CCDC91: variants seen among roughly 807,000 people sequenced by gnomAD.
CCDC91 encodes the protein coiled-coil domain-containing protein 91.
Under a neutral mutation model 63.2 loss-of-function variants are expected in CCDC91, and 48 were observed. The observed-to-expected ratio is 0.76, with a 90% confidence interval of 0.60 to 0.97. The LOEUF (loss-of-function observed/expected upper bound fraction) is 0.97, where lower values mean the gene tolerates loss of function less well. CCDC91 is among the 50% of genes least tolerant of loss of function. The pLI is 0.00. For synonymous variants in CCDC91, 167 were observed against 165.8 expected (o/e 1.01, Z -0.06); for missense variants, 500 against 494.6 (o/e 1.01, Z -0.10).
At chr12:28,502,789 A>C (rs1938115789) in intron 12 of CCDC91, among the ~76,000 whole-genome samples, 1 of 149,760 alleles carries the variant, frequency 6.7e-6, no homozygotes, top group Non-Finnish European at 1.5e-5. Context: ...CATATCTACA[A>C]CTATCTGATC....
At chr12:28,417,917 G>C (rs570628935) in intron 8 of CCDC91, among the ~76,000 whole-genome samples, 3 of 151,964 alleles carry the variant, frequency 2.0e-5, no homozygotes, top group East Asian at 3.9e-4. Flanking sequence ...CCATTACTGA[G>C]TGGTCCTACA....
At chr12:28,255,041 G>T (rs973990931) in intron 1 of CCDC91, among the ~76,000 whole-genome samples, 1 of 152,132 alleles carries the variant, frequency 6.6e-6, no homozygotes, top group African/African-American at 2.4e-5. Flanking sequence ...CTTCCAAAGT[G>T]CTGGGATTAC....
At chr12:28,223,666 A>T (rs1421846692) in intron 1 of CCDC91, among the ~76,000 whole-genome samples, 2 of 152,206 alleles carry the variant, frequency 1.3e-5, no homozygotes, top group Admixed American at 6.6e-5. Context: ...AAATTGAGTA[A>T]TTGTAATGTA....
At chr12:28,216,424 T>C (rs1943563805) in intron 1 of CCDC91, among the ~76,000 whole-genome samples, 1 of 152,060 alleles carries the variant, frequency 6.6e-6, no homozygotes, top group African/African-American at 2.4e-5. Context: ...AAAATATATA[T>C]AGTGCCTCAA....
At chr12:28,548,644 T>G (rs539572890) in intron 12 of CCDC91, among the ~76,000 whole-genome samples, 1 of 152,248 alleles carries the variant, frequency 6.6e-6, no homozygotes, top group Non-Finnish European at 1.5e-5. Flanking sequence ...TCCTCCCTTA[T>G]AATTTGTTCC....
intron 3 of CCDC91, among the ~76,000 whole-genome samples, chr12:28,261,816 AATC>A (rs1033119992): frequency 3.3e-5 from 5 of 151,808 alleles, no homozygotes; most frequent in Non-Finnish European, 5.9e-5. Context: ...TTAAAGGACA[AATC>A]ATCTGGCACA....
At chr12:28,467,145 T>C (rs758419955) in intron 11 of CCDC91, among the ~76,000 whole-genome samples, 1 of 152,056 alleles carries the variant, frequency 6.6e-6, no homozygotes, top group Non-Finnish European at 1.5e-5. Context: ...ATAAATGGAC[T>C]AAACTCTCCA....
intron 11 of CCDC91, among the ~76,000 whole-genome samples, chr12:28,465,946 C>CCATCAGGTAAA (rs1462818310): frequency 6.6e-6 from 1 of 151,994 alleles, no homozygotes; most frequent in African/African-American, 2.4e-5. Context: ...ATTCAGAATT[C>CCATCAGGTAAA]TATCAGGTAA....
intron 6 of CCDC91, among the ~76,000 whole-genome samples, chr12:28,358,534 C>T (rs1319495312): frequency 6.6e-6 from 1 of 152,198 alleles, no homozygotes; most frequent in Non-Finnish European, 1.5e-5. Context: ...ATTTCACGCT[C>T]TCAAATTGTA....
At chr12:28,200,835 T>C (rs1368873721) in intron 1 of CCDC91, among the ~76,000 whole-genome samples, 7 of 151,314 alleles carry the variant, frequency 4.6e-5, no homozygotes, top group Non-Finnish European at 1.0e-4. Context: ...GGCTCCTCAC[T>C]TCCCAGTAGG....
At position 28,261,033 on chromosome 12, in the gene CCDC91, C is replaced by A. The variant is rs531706120; in HGVS notation, c.109+1591C>A. Among the ~76,000 whole-genome samples, 20 of 152,058 alleles carry A rather than the reference C, an allele frequency of 1.3e-4. No individual in the cohort carries two copies. The South Asian group carries it at 4.1e-3, about 32-fold the overall frequency. ...TATTCTTTCAGATTCTATTTCAGTT[C>A]TTTTTCAATAACTCAGGTTTTTTGA... is the stretch of plus-strand genomic sequence containing the variant. On this transcript the variant is annotated intron_variant, in intron 3 of 12. Transcript: ENST00000536442.
At chr12:28,299,689 T>C (rs1937830643) in intron 3 of CCDC91, among the ~76,000 whole-genome samples, 1 of 151,672 alleles carries the variant, frequency 6.6e-6, no homozygotes, top group African/African-American at 2.4e-5. Context: ...GTCCTGTTTG[T>C]TTTTGGCTTT....
At chr12:28,281,934 T>G (rs1383003189) in intron 3 of CCDC91, among the ~76,000 whole-genome samples, 1 of 152,170 alleles carries the variant, frequency 6.6e-6, no homozygotes, top group Non-Finnish European at 1.5e-5. Context: ...CCTATTTCTC[T>G]TATCTGTGCA....
At chr12:28,358,174 A>C (rs915268053) in intron 6 of CCDC91, among the ~76,000 whole-genome samples, 19 of 152,210 alleles carry the variant, frequency 1.2e-4, no homozygotes, top group African/African-American at 4.6e-4. Flanking sequence ...CAGATAGAGA[A>C]ATGTACCCAA....
At chr12:28,302,484 A>G (rs947531327) in intron 3 of CCDC91, 2 of 226,550 alleles carry the variant, frequency 8.8e-6, no homozygotes, top group South Asian at 3.2e-4. Flanking sequence ...TTGGCTTAGA[A>G]GAGTTATTGT....
intron 3 of CCDC91, among the ~76,000 whole-genome samples, chr12:28,277,941 C>T (rs535158185): frequency 1.3e-5 from 2 of 152,064 alleles, no homozygotes; most frequent in East Asian, 1.9e-4. Context: ...CCCAGTGAAA[C>T]TGAAAATTAC....
chr12:28,333,815 A>G (rs763831474), intron 6 of CCDC91, among the ~76,000 whole-genome samples: 6 of 152,192 alleles, frequency 3.9e-5, no homozygotes, highest in Non-Finnish European at 8.8e-5. Flanking sequence ...TCACACGTGT[A>G]ATTTGTCCTT....
In CCDC91 at chr12:28,335,563, G is replaced by T. The variant is rs1476231647; in HGVS notation, c.577-26875G>T. 2.7e-5 allele frequency among the ~76,000 whole-genome samples: 4 copies of T among 150,900 alleles called. No homozygotes were observed. In the South Asian group the frequency reaches 8.3e-4, roughly 31 times the overall value. ...GGTGGGGCTACAGGTGCATGCCACC[G>T]TGCCCGTCTGATTCTTTTATTTTTT... On this transcript the variant is annotated intron_variant, in intron 6 of 12. Coordinates refer to ENST00000536442, the MANE Select transcript of CCDC91 (RefSeq NM_018318.5).
At chr12:28,371,453 C>T (rs898170034) in intron 7 of CCDC91, among the ~76,000 whole-genome samples, 6 of 152,152 alleles carry the variant, frequency 3.9e-5, no homozygotes, top group African/African-American at 4.8e-5. Context: ...TCCATGATAC[C>T]GTTTCCTGGT....
Sources: gnomAD v4.1 joint callset for allele counts (sites outside exome capture counted in the v4.1 genomes callset) on GRCh38, gnomAD v4.1.1 for gene constraint, MANE v1.5 for transcripts, NCBI Gene and HGNC (gene_info 2026-07-23, HGNC 2026-07-21) for gene names.